CTIF: variants seen among roughly 807,000 people sequenced by gnomAD.
CTIF encodes cap binding complex dependent translation initiation factor.
Under a neutral mutation model 66.0 loss-of-function variants are expected in CTIF, and 21 were observed. The observed-to-expected ratio is 0.32, with a 90% CI of 0.23 to 0.46. The LOEUF (loss-of-function observed/expected upper bound fraction) is 0.46. Among genes scored for constraint, CTIF ranks in the 20% least tolerant of loss-of-function variants. CTIF has a pLI of 1.00. For missense variants in CTIF, 739 were observed against 812.7 expected (o/e 0.91, Z 1.10); for synonymous variants, 345 against 326.4 (o/e 1.06, Z -0.62).
At chr18:48,746,275 C>T (rs1243513468) in intron 7 of CTIF, among the ~76,000 whole-genome samples, 1 of 151,932 alleles carries the variant, frequency 6.6e-6, no homozygotes, top group African/African-American at 2.4e-5. Flanking sequence ...CCAGGCACAC[C>T]CATGACACCT....
chr18:48,803,680 A>C (rs369187127), intron 9 of CTIF, among the ~76,000 whole-genome samples: 62 of 152,158 alleles, frequency 4.1e-4, no homozygotes, highest in Middle Eastern at 3.4e-3. Flanking sequence ...GAACCCCATC[A>C]CCACAGCCAC....
intron 3 of CTIF, among the ~76,000 whole-genome samples, chr18:48,637,247 T>A (rs1250779558): frequency 6.6e-6 from 1 of 152,082 alleles, no homozygotes; most frequent in Non-Finnish European, 1.5e-5. Flanking sequence ...CTGCTTGCGG[T>A]GAGGTCCTGA....
chr18:48,607,087 C>G (rs1216060712), intron 1 of CTIF, among the ~76,000 whole-genome samples: 2 of 151,640 alleles, frequency 1.3e-5, no homozygotes, highest in Admixed American at 6.6e-5. Context: ...ATTTGCTTTC[C>G]TGCTTTAGGA....
intron 7 of CTIF, among the ~76,000 whole-genome samples, chr18:48,721,760 T>C (rs989636570): frequency 1.2e-4 from 16 of 134,526 alleles, no homozygotes; most frequent in African/African-American, 3.0e-4. Context: ...TCCCCCCCTC[T>C]CTGTCCTGAC....
intron 6 of CTIF, among the ~76,000 whole-genome samples, chr18:48,696,126 A>T (rs2092004135): frequency 6.6e-6 from 1 of 152,252 alleles, no homozygotes; most frequent in African/African-American, 2.4e-5. Flanking sequence ...CAGTCTCATT[A>T]GCATCTGCAA....
At chr18:48,597,436 T>C (rs2144078532) in intron 1 of CTIF, among the ~76,000 whole-genome samples, 1 of 152,294 alleles carries the variant, frequency 6.6e-6, no homozygotes, top group East Asian at 1.9e-4. Context: ...TGGGGCCTGG[T>C]GGGAGGTGTT....
chr18:48,736,934 T>C (rs541262950), intron 7 of CTIF, among the ~76,000 whole-genome samples: 93 of 152,096 alleles, frequency 6.1e-4, no homozygotes, highest in Non-Finnish European at 1.2e-3. Flanking sequence ...AGCCGTGAAC[T>C]CCCTAGAACT....
chr18:48,626,000 C>CTTTTT (rs74174709), intron 2 of CTIF, among the ~76,000 whole-genome samples: 6,717 of 108,764 alleles, frequency 0.062, 278 homozygotes, highest in South Asian at 0.085. Context: ...CTTTTTCTTT[C>CTTTTT]TTTTTTTTTT....
chr18:48,778,772 G>T (rs1329217479), intron 9 of CTIF, among the ~76,000 whole-genome samples: 3 of 152,212 alleles, frequency 2.0e-5, no homozygotes, highest in Non-Finnish European at 4.4e-5. Context: ...AGCACCTTGG[G>T]TTGGGAGTGC....
chr18:48,637,902 C>T (rs966132027), intron 3 of CTIF, among the ~76,000 whole-genome samples: 10 of 152,116 alleles, frequency 6.6e-5, no homozygotes, highest in African/African-American at 2.4e-4. Context: ...TCACATAAAA[C>T]CCAGAAGGAG....
At chr18:48,823,376 G>A (rs886205011) in intron 10 of CTIF, among the ~76,000 whole-genome samples, 5 of 152,154 alleles carry the variant, frequency 3.3e-5, no homozygotes, top group African/African-American at 7.2e-5. Context: ...TTTCTTCTTC[G>A]TGTGGATATC....
At chr18:48,838,537 A>T (rs1414216852) in intron 10 of CTIF, among the ~76,000 whole-genome samples, 1 of 152,178 alleles carries the variant, frequency 6.6e-6, no homozygotes, top group Non-Finnish European at 1.5e-5. Context: ...CACTTCATAG[A>T]AAGCACAACA....
chr18:48,853,804 A>G (rs1241249190), intron 10 of CTIF, among the ~76,000 whole-genome samples: 1 of 152,312 alleles, frequency 6.6e-6, no homozygotes, highest in East Asian at 1.9e-4. Context: ...GGGTGGATGG[A>G]TGCAACGTGA....
At chr18:48,786,371 G>C (rs1242608036) in intron 9 of CTIF, among the ~76,000 whole-genome samples, 4 of 152,194 alleles carry the variant, frequency 2.6e-5, no homozygotes, top group Non-Finnish European at 5.9e-5. Context: ...ACTGTCAAGA[G>C]CCTGGACTCA....
intron 2 of CTIF, among the ~76,000 whole-genome samples, chr18:48,633,906 C>T (rs183961665): frequency 2.1e-4 from 32 of 152,288 alleles, no homozygotes; most frequent in African/African-American, 7.5e-4. Flanking sequence ...GAACACCTTA[C>T]ATAACTATAG....
In CTIF at chr18:48,767,224, C is replaced by T. The variant is rs950040137; in HGVS notation, c.1371+5535C>T. On this transcript the variant is annotated intron_variant, in intron 9 of 11. Coordinates refer to ENST00000256413, the MANE Select transcript of CTIF (RefSeq NM_014772.3). ...AAGGAACCAAAAGTTTCCTTGGATC[C>T]TCATCAGGGAATTGTGGTGTGATAC... Among the ~76,000 whole-genome samples the T allele has an allele frequency of 3.9e-5, 6 of 152,274 alleles. No individual in the cohort carries two copies. The South Asian group carries it at 8.3e-4, about 21-fold the overall frequency.
At chr18:48,705,341 C>T (rs569121878) in intron 6 of CTIF, among the ~76,000 whole-genome samples, 1 of 152,218 alleles carries the variant, frequency 6.6e-6, no homozygotes, top group African/African-American at 2.4e-5. Flanking sequence ...CCTCCGTCTT[C>T]ACATGGCCTT....
chr18:48,670,772 G>A, intron 6 of CTIF, 28 bp downstream of exon 6: 2 of 1,589,212 alleles, frequency 1.3e-6, no homozygotes, highest in Non-Finnish European at 1.7e-6. Context: ...CTCTCTAACA[G>A]CCCACCCCCA....
At chr18:48,683,860 G>T (rs2091789465) in intron 6 of CTIF, among the ~76,000 whole-genome samples, 1 of 152,184 alleles carries the variant, frequency 6.6e-6, no homozygotes, top group Non-Finnish European at 1.5e-5. Context: ...CACCACTGTG[G>T]CCACCAGCCC....
Sources: gnomAD v4.1 joint callset for allele counts (sites outside exome capture counted in the v4.1 genomes callset) on GRCh38, gnomAD v4.1.1 for gene constraint, MANE v1.5 for transcripts, NCBI Gene and HGNC (gene_info 2026-07-23, HGNC 2026-07-21) for gene names.